ZNF621: variants seen among roughly 807,000 people sequenced by gnomAD.
ZNF621 encodes zinc finger protein 621.
A neutral mutation model predicts 12.7 loss-of-function variants in ZNF621; 6 were observed. The observed-to-expected ratio is 0.47, with a 90% CI of 0.26 to 0.93. ZNF621 has a LOEUF of 0.93. Among genes scored for constraint, ZNF621 ranks in the 40% least tolerant of loss-of-function variants. The pLI is 0.15. For synonymous variants in ZNF621, 156 were observed against 190.3 expected, an observed-to-expected ratio of 0.82 and a Z score of 1.48; for missense variants, 474 against 524.0, an observed-to-expected ratio of 0.90 and a Z score of 0.93.
rs543513980 is a variant in ZNF621 at position 40,536,715 on chromosome 3, T to G, written c.*3625T>G. 2.0e-5 allele frequency: 3 copies of G among 152,358 alleles called. No homozygotes were observed. Among genetic ancestry groups the G allele is most frequent in the African/African-American group, 7.2e-5 (3 of 41,588 alleles). 9.4% of individuals were successfully genotyped at this position (152,358 alleles called of 1,614,324 possible). A position where few individuals can be genotyped will look rare whatever the true frequency, so the allele number is the denominator to read the frequency against. Reference sequence around the variant, plus strand: ...CAAAGTACAGGCATACCTCATTTTATTGCAGTTTGTTTTATTGTGTCTTGC... The same window carrying G: ...CAAAGTACAGGCATACCTCATTTTAGTGCAGTTTGTTTTATTGTGTCTTGC... On this transcript the variant is annotated 3_prime_UTR_variant, in exon 5 of 5. Transcript: ENST00000339296.
chr3:40,538,464 G>T lies in ZNF621; in HGVS notation c.*5374G>T, dbSNP rs1698923034. On this transcript the variant is annotated 3_prime_UTR_variant, in exon 5 of 5. Coordinates refer to ENST00000339296, the MANE Select transcript of ZNF621 (RefSeq NM_198484.5). The stretch of plus-strand genomic sequence containing the variant: ...GAGGCAGAGGTTGCAGTGAGCTGAG[G>T]TTGCACCACTGTGCTTCAGCCTGGG... 1 of 180,822 alleles carries T rather than the reference G, an allele frequency of 5.5e-6. No individual in the cohort carries two copies. 11.2% of individuals were successfully genotyped at this position (180,822 alleles called of 1,614,324 possible).
Position 40,537,990 on chromosome 3 carries a change from C to T in ZNF621, c.*4900C>T, listed in dbSNP as rs1376091772. ...AAGTTAATCCCTGGCTTAAAAGCAT[C>T]AAAGGACAGCTCGTCTCTCTTGTTA... On this transcript the variant is annotated 3_prime_UTR_variant, in exon 5 of 5. Transcript: ENST00000339296. Among the ~76,000 whole-genome samples the T allele has an allele frequency of 1.3e-5, 2 of 152,280 alleles. No individual in the cohort carries two copies. The highest frequency in any genetic ancestry group is 4.1e-4 in the South Asian group (2 of 4,820).
upstream of ZNF621, among the ~76,000 whole-genome samples, chr3:40,523,483 G>C (rs2125669387): frequency 6.6e-6 from 1 of 152,208 alleles, no homozygotes; most frequent in Admixed American, 6.5e-5. Flanking sequence ...ACAAAGTCTG[G>C]GCCGGGCGCG....
At chr3:40,531,413 G>A (rs1165277762) in intron 4 of ZNF621, among the ~76,000 whole-genome samples, 1 of 148,104 alleles carries the variant, frequency 6.8e-6, no homozygotes, top group African/African-American at 2.5e-5. Flanking sequence ...TTTCTTTTTT[G>A]TCCCTCCTAC....
At chr3:40,527,119 G>A (rs1008046797) in intron 2 of ZNF621, among the ~76,000 whole-genome samples, 2 of 152,170 alleles carry the variant, frequency 1.3e-5, no homozygotes, top group Admixed American at 1.3e-4. Flanking sequence ...CCTTGTTCAA[G>A]TGATTCTCCT....
At chr3:40,526,100 A>T (rs1388986056) in intron 2 of ZNF621, among the ~76,000 whole-genome samples, 1 of 152,228 alleles carries the variant, frequency 6.6e-6, no homozygotes, top group African/African-American at 2.4e-5. Context: ...AAGGGGACCT[A>T]TACCAAGAAA....
In ZNF621 at chr3:40,532,340, C is replaced by T; in HGVS notation, c.570C>T (p.Ser190=). 1 of 1,610,744 alleles carries T rather than the reference C, an allele frequency of 6.2e-7. No homozygotes were observed. The highest frequency in any genetic ancestry group is 8.5e-7 in the Non-Finnish European group (1 of 1,179,642). Residue 190 remains serine, a synonymous_variant, in exon 5 of 5, where the codon TCC becomes TCT. Transcript: ENST00000339296. Reference sequence around the variant, plus strand: ...AGGAGTGTGGCAAAGCTTTCAAGTCCAGCTATGATTGTATTGTACATGAGA... The same window carrying T: ...AGGAGTGTGGCAAAGCTTTCAAGTCTAGCTATGATTGTATTGTACATGAGA... ...KCKECGKAFK[S]SYDCIVHEKN... is the part of the protein sequence containing the mutation.
Position 40,533,204 on chromosome 3 carries a change from G to T in ZNF621, c.*114G>T. The T allele has an allele frequency of 6.9e-7, 1 of 1,442,228 alleles. No individual in the cohort carries two copies. Among genetic ancestry groups the T allele is most frequent in the Non-Finnish European group, 9.1e-7 (1 of 1,098,800 alleles). 89.3% of individuals were successfully genotyped at this position (1,442,228 alleles called of 1,614,324 possible). ...CACCCAGGCTAGAGTGCGGTGGTGTGATCTTGGCTCACTGCAACCTCCCCC... is the reference window on the plus strand; with the variant it reads ...CACCCAGGCTAGAGTGCGGTGGTGTTATCTTGGCTCACTGCAACCTCCCCC... On this transcript the variant is annotated 3_prime_UTR_variant, in exon 5 of 5. Coordinates refer to ENST00000339296, the MANE Select transcript of ZNF621 (RefSeq NM_198484.5).
chr3:40,525,588 G>A, intron 1 of ZNF621, 191 bp from the exon 2 acceptor site: 1 of 618,970 alleles, frequency 1.6e-6, no homozygotes, highest in East Asian at 2.7e-5. Flanking sequence ...CAGGCAGGTG[G>A]AAGATTGTCC....
chr3:40,530,083 C>T, intron 3 of ZNF621, 126 bp from the exon 4 acceptor site: 3 of 684,970 alleles, frequency 4.4e-6, no homozygotes, highest in Non-Finnish European at 7.5e-6. Flanking sequence ...CTTGTCAGAA[C>T]TCTCACTTGG....
At chr3:40,525,905 T>C in intron 2 of ZNF621, 41 bp downstream of exon 2, 3 of 1,609,788 alleles carry the variant, frequency 1.9e-6, no homozygotes, top group Non-Finnish European at 2.5e-6. Context: ...TGTTTGTTTA[T>C]GTTTTTTTAC....
In ZNF621 at chr3:40,534,603, G is replaced by A. The variant is rs2125679172; in HGVS notation, c.*1513G>A. 1 of 151,984 alleles carries A rather than the reference G, an allele frequency of 6.6e-6. No homozygotes were observed. The highest frequency in any genetic ancestry group is 2.1e-4 in the South Asian group (1 of 4,820). 9.4% of individuals were successfully genotyped at this position (151,984 alleles called of 1,614,324 possible). On this transcript the variant is annotated 3_prime_UTR_variant, in exon 5 of 5. Coordinates refer to ENST00000339296, the MANE Select transcript of ZNF621 (RefSeq NM_198484.5). Reference sequence around the variant, plus strand: ...ACATAGTGTGCTTGTAAAAAGAAGAGTTTTCTCTCTTGCACAAATTCTGAT... The same window carrying A: ...ACATAGTGTGCTTGTAAAAAGAAGAATTTTCTCTCTTGCACAAATTCTGAT...
At position 40,532,925 on chromosome 3, in the gene ZNF621, C is replaced by G. The variant is rs1190009189; in HGVS notation, c.1155C>G (p.Thr385=). 5 of 1,567,662 alleles carry G rather than the reference C, an allele frequency of 3.2e-6. No homozygotes were observed. ...CAGCCGTAGCTGTGCCTTCACTGAC[C>G]TTTCCACATGCTGTGCTCATTCCTA... is the stretch of plus-strand genomic sequence containing the variant. The part of the protein sequence containing the change: ...SASAVAVPSL[T]FPHAVLIPTS... The change falls in exon 5 of 5, where the codon ACC becomes ACG. Residue 385 remains threonine (T), a synonymous_variant. Coordinates refer to ENST00000339296, the MANE Select transcript of ZNF621 (RefSeq NM_198484.5).
chr3:40,531,464 C>G (rs774947638), intron 4 of ZNF621, among the ~76,000 whole-genome samples: 2 of 152,190 alleles, frequency 1.3e-5, no homozygotes, highest in Non-Finnish European at 2.9e-5. Flanking sequence ...CTTCCCATCA[C>G]CTACCTTAGT....
upstream of ZNF621, among the ~76,000 whole-genome samples, chr3:40,523,674 G>A (rs1363034360): frequency 6.6e-6 from 1 of 152,072 alleles, no homozygotes; most frequent in Non-Finnish European, 1.5e-5. Context: ...GCTGAGGAAG[G>A]AGAATGGCGT....
At chr3:40,529,576 G>A in intron 3 of ZNF621, 131 bp downstream of exon 3, 1 of 1,577,112 alleles carries the variant, frequency 6.3e-7, no homozygotes, top group African/African-American at 1.3e-5. Flanking sequence ...GAAATACTGG[G>A]TAGGGAAATC....
rs1029832023 is a variant in ZNF621, at chr3:40,536,441, T to C, written c.*3351T>C. ...TTAAATAATGTACTGTTTAGAAATA[T>C]ACATATTTTATACAAAATTATAAAG... is the stretch of plus-strand genomic sequence containing the variant. On this transcript the variant is annotated 3_prime_UTR_variant, in exon 5 of 5. Transcript: ENST00000339296. The C allele has an allele frequency of 6.6e-6, 1 of 152,200 alleles. No individual in the cohort carries two copies. The highest frequency in any genetic ancestry group is 1.5e-5 in the Non-Finnish European group (1 of 68,040). The allele number at this position is 152,200 out of a possible 1,614,324, so 9.4% of individuals were successfully genotyped here. A position where few individuals can be genotyped will look rare whatever the true frequency, so the allele number is the denominator to read the frequency against.
intron 2 of ZNF621, 66 bp from the exon 3 acceptor site, chr3:40,529,253 G>T (rs1057194834): frequency 1.9e-6 from 3 of 1,574,426 alleles, no homozygotes; most frequent in Admixed American, 3.5e-5. Flanking sequence ...CTTCCCTGAA[G>T]CTCAAGCTGC....
At chr3:40,528,896 G>C (rs1698652109) in intron 2 of ZNF621, among the ~76,000 whole-genome samples, 1 of 152,138 alleles carries the variant, frequency 6.6e-6, no homozygotes, top group South Asian at 2.1e-4. Context: ...TATCAGATAT[G>C]TCTTCAGCAA....
Sources: allele counts gnomAD v4.1 joint callset (sites outside exome capture counted in the v4.1 genomes callset), GRCh38; gene constraint gnomAD v4.1.1; transcripts MANE v1.5; gene names NCBI Gene and HGNC (gene_info 2026-07-23, HGNC 2026-07-21).